TNIP3: variants seen among roughly 807,000 people sequenced by gnomAD.
The protein encoded by TNIP3 is TNFAIP3-interacting protein 3.
In TNIP3, 34 loss-of-function variants were observed where a neutral mutation model predicts 54.1. That is an observed-to-expected ratio of 0.63 (90% CI 0.48 to 0.84). The LOEUF is 0.84. Among genes scored for constraint, TNIP3 ranks in the 40% least tolerant of loss-of-function variants. The pLI, the probability that TNIP3 is intolerant of heterozygous loss-of-function variation, is 0.00. For synonymous variants in TNIP3, 134 were observed against 136.8 expected (o/e 0.98, Z 0.14); for missense variants, 366 against 387.6 (o/e 0.94, Z 0.47).
chr4:121,174,674 G>GA (rs138735153), intron 3 of TNIP3, among the ~76,000 whole-genome samples: 35 of 145,112 alleles, frequency 2.4e-4, no homozygotes, highest in East Asian at 4.0e-4. Flanking sequence ...TTCCTCACTG[G>GA]AAAAAAAAAA....
chr4:121,219,672 G>A (rs145369854), upstream of TNIP3, among the ~76,000 whole-genome samples: 2 of 152,072 alleles, frequency 1.3e-5, no homozygotes, highest in Non-Finnish European at 2.9e-5. Flanking sequence ...ACTCACATAG[G>A]TTTTACAGAC....
intron 2 of TNIP3, among the ~76,000 whole-genome samples, chr4:121,190,034 A>C (rs1725220815): frequency 1.3e-5 from 2 of 152,224 alleles, no homozygotes; most frequent in Non-Finnish European, 2.9e-5. Flanking sequence ...GTGAGAGGTT[A>C]GGAGTGAACA....
At chr4:121,199,963 C>CT (rs972025075) in intron 2 of TNIP3, among the ~76,000 whole-genome samples, 6 of 152,130 alleles carry the variant, frequency 3.9e-5, no homozygotes, top group Non-Finnish European at 7.4e-5. Context: ...AGAAAGGGTG[C>CT]TTTTTTCTCA....
intron 3 of TNIP3, among the ~76,000 whole-genome samples, chr4:121,158,198 G>A (rs1229053426): frequency 1.3e-5 from 2 of 152,152 alleles, no homozygotes; most frequent in African/African-American, 2.4e-5. Context: ...GAGCAAATAT[G>A]CTTTAGATGG....
At chr4:121,136,844 T>A (rs1728813542) in intron 10 of TNIP3, among the ~76,000 whole-genome samples, 2 of 120,158 alleles carry the variant, frequency 1.7e-5, no homozygotes, top group Admixed American at 2.1e-4. Flanking sequence ...GGTGACAGAG[T>A]AAGACTGTCT....
chr4:121,168,634 C>T (rs1319255629), upstream of TNIP3, among the ~76,000 whole-genome samples: 1 of 151,736 alleles, frequency 6.6e-6, no homozygotes, highest in South Asian at 2.1e-4. Context: ...AATCCAGCTG[C>T]CTCAGCCTCT....
chr4:121,174,213 G>A (rs1724164118), intron 3 of TNIP3, among the ~76,000 whole-genome samples: 1 of 152,034 alleles, frequency 6.6e-6, no homozygotes, highest in Admixed American at 6.6e-5. Context: ...TATAGATTTA[G>A]ACACTATTTT....
At chr4:121,135,438 C>T (rs1456917459) in intron 10 of TNIP3, among the ~76,000 whole-genome samples, 1 of 152,008 alleles carries the variant, frequency 6.6e-6, no homozygotes, top group Non-Finnish European at 1.5e-5. Context: ...TTTTCTGTCA[C>T]CCAGGCTTGA....
At chr4:121,214,957 G>T (rs1214664408) in intron 2 of TNIP3, among the ~76,000 whole-genome samples, 5 of 152,146 alleles carry the variant, frequency 3.3e-5, no homozygotes, top group Non-Finnish European at 4.4e-5. Flanking sequence ...ACCCAACACA[G>T]TTCTAGAATA....
intron 2 of TNIP3, among the ~76,000 whole-genome samples, chr4:121,193,806 A>T (rs1725426815): frequency 6.6e-6 from 1 of 152,140 alleles, no homozygotes; most frequent in East Asian, 1.9e-4. Context: ...AAGATGCATT[A>T]AAAAAAGTTT....
intron 2 of TNIP3, among the ~76,000 whole-genome samples, chr4:121,190,510 C>G (rs978938629): frequency 2.4e-4 from 37 of 152,124 alleles, no homozygotes; most frequent in Non-Finnish European, 1.5e-4. Flanking sequence ...CTAAGTTATC[C>G]ATATTATGTC....
chr4:121,210,830 G>A (rs1259550954), intron 2 of TNIP3, among the ~76,000 whole-genome samples: 1 of 152,118 alleles, frequency 6.6e-6, no homozygotes, highest in Non-Finnish European at 1.5e-5. Flanking sequence ...TCCAAATGCA[G>A]TCACATTGGG....
intron 5 of TNIP3, among the ~76,000 whole-genome samples, chr4:121,152,962 A>G (rs536751312): frequency 3.3e-5 from 5 of 152,196 alleles, no homozygotes; most frequent in Non-Finnish European, 7.4e-5. Flanking sequence ...TAAAGTCATA[A>G]AAGTTAGACA....
intron 1 of TNIP3, among the ~76,000 whole-genome samples, chr4:121,223,112 T>C (rs975833120): frequency 1.3e-5 from 2 of 152,178 alleles, no homozygotes; most frequent in Non-Finnish European, 1.5e-5. Context: ...GCCAGGTGTG[T>C]TTGTTTTTAT....
At chr4:121,166,921 G>A (rs1240859584), upstream of TNIP3, among the ~76,000 whole-genome samples, 1 of 152,110 alleles carries the variant, frequency 6.6e-6, no homozygotes, top group Non-Finnish European at 1.5e-5. Context: ...TGGACTCACA[G>A]CTTGGCTCTG....
intron 2 of TNIP3, among the ~76,000 whole-genome samples, chr4:121,209,404 T>C (rs1726357190): frequency 6.6e-6 from 1 of 152,192 alleles, no homozygotes; most frequent in South Asian, 2.1e-4. Flanking sequence ...GGCCTTAACA[T>C]GTGGGGTCTG....
At chr4:121,170,310 G>C (rs150121635) in intron 3 of TNIP3, among the ~76,000 whole-genome samples, 317 of 152,294 alleles carry the variant, frequency 2.1e-3, no homozygotes, top group African/African-American at 7.3e-3. Flanking sequence ...TTTATTGAAT[G>C]AGTCCGTTTA....
chr4:121,133,592 C>T (rs973345458), intron 10 of TNIP3, among the ~76,000 whole-genome samples: 1 of 152,126 alleles, frequency 6.6e-6, no homozygotes, highest in African/African-American at 2.4e-5. Flanking sequence ...GTACAGTGCT[C>T]TTGTGAAACA....
intron 2 of TNIP3, among the ~76,000 whole-genome samples, chr4:121,185,027 C>T (rs1002447240): frequency 1.2e-4 from 18 of 152,226 alleles, no homozygotes; most frequent in African/African-American, 4.3e-4. Context: ...CTGAACCAGA[C>T]TTGCCTGCCA....
Sources: allele counts gnomAD v4.1 joint callset (sites outside exome capture counted in the v4.1 genomes callset), GRCh38; gene constraint gnomAD v4.1.1; transcripts MANE v1.5; gene names NCBI Gene and HGNC (gene_info 2026-07-23, HGNC 2026-07-21).